The following C12orf42 variants were observed in gnomAD, a reference collection of about 807,000 sequenced individuals.
C12orf42 encodes uncharacterized protein C12orf42.
In C12orf42, 25 loss-of-function variants were observed where a neutral mutation model predicts 21.6. That is an observed-to-expected ratio of 1.16 (90% CI 0.84 to 1.62). The LOEUF is 1.62. Among genes scored for constraint, C12orf42 ranks in the 40% most tolerant of loss-of-function variants. The pLI, the probability that C12orf42 is intolerant of heterozygous loss-of-function variation, is 0.00. For synonymous variants in C12orf42, 174 were observed against 175.0 expected, an observed-to-expected ratio of 0.99 and a Z score of 0.05; for missense variants, 483 against 459.3, an observed-to-expected ratio of 1.05 and a Z score of -0.47.
the C12orf42 span, among the ~76,000 whole-genome samples, chr12:103,515,692 C>T: frequency 3.9e-5 from 6 of 152,128 alleles, no homozygotes; most frequent in African/African-American, 1.4e-4. Flanking sequence ...TTCAAACTGT[C>T]TACTTTCAAA....
intron 1 of C12orf42, among the ~76,000 whole-genome samples, chr12:103,481,656 TAA>T (rs5800591): frequency 5.9e-4 from 89 of 150,896 alleles, no homozygotes; most frequent in African/African-American, 2.0e-3. Flanking sequence ...CGAGTTACTT[TAA>T]AAAAAAAATA....
At chr12:103,162,506 GGTGTGTGT>G in the C12orf42 span, among the ~76,000 whole-genome samples, 65 of 147,634 alleles carry the variant, frequency 4.4e-4, no homozygotes, top group African/African-American at 1.6e-3. Context: ...CCAACAAGCT[GGTGTGTGT>G]GTGTGTGTGT....
the C12orf42 span, among the ~76,000 whole-genome samples, chr12:103,529,082 A>G: frequency 6.6e-6 from 1 of 152,154 alleles, no homozygotes; most frequent in Non-Finnish European, 1.5e-5. Flanking sequence ...AAAAAACGCC[A>G]TTGCAAACTA....
the C12orf42 span, among the ~76,000 whole-genome samples, chr12:103,170,709 T>G: frequency 2.0e-5 from 3 of 152,128 alleles, no homozygotes; most frequent in African/African-American, 4.8e-5. Flanking sequence ...CTCCAACCCC[T>G]TTTCATCACT....
At chr12:103,233,287 T>G (rs115508516), downstream of C12orf42, among the ~76,000 whole-genome samples, 897 of 152,340 alleles carry the variant, frequency 5.9e-3, 9 homozygotes, top group African/African-American at 0.021. Flanking sequence ...TTTCTTTCAG[T>G]ATCATGCGGG....
At chr12:103,178,557 T>G in the C12orf42 span, 2 of 152,162 alleles carry the variant, frequency 1.3e-5, no homozygotes, top group East Asian at 1.9e-4. Context: ...TTTGGGTGGT[T>G]GTTGTTTTGA....
At chr12:103,519,363 C>G in the C12orf42 span, among the ~76,000 whole-genome samples, 1 of 152,044 alleles carries the variant, frequency 6.6e-6, no homozygotes, top group Non-Finnish European at 1.5e-5. Flanking sequence ...TCCCAAAGCA[C>G]CAAGTTCACC....
At chr12:103,068,937 A>C in the C12orf42 span, among the ~76,000 whole-genome samples, 344 of 7,308 alleles carry the variant, frequency 0.047, 4 homozygotes, top group Non-Finnish European at 0.06. Flanking sequence ...CTCTCCACAT[A>C]TATATATATA....
the C12orf42 span, among the ~76,000 whole-genome samples, chr12:103,149,293 C>T: frequency 5.8e-4 from 88 of 152,258 alleles, no homozygotes; most frequent in Non-Finnish European, 1.6e-4. Context: ...TTCCACAGAA[C>T]ATTGTATGAT....
the C12orf42 span, among the ~76,000 whole-genome samples, chr12:103,542,479 GAAGT>G: frequency 6.6e-6 from 1 of 152,260 alleles, no homozygotes; most frequent in Non-Finnish European, 1.5e-5. Context: ...TTTAAAGACA[GAAGT>G]CTTGCCTGGG....
At chr12:103,164,335 A>T in the C12orf42 span, 6 of 445,976 alleles carry the variant, frequency 1.3e-5, no homozygotes, top group South Asian at 9.6e-5. Context: ...GTATACTTAC[A>T]GACTCTCCTA....
the C12orf42 span, among the ~76,000 whole-genome samples, chr12:103,224,406 G>T: frequency 1.3e-5 from 2 of 152,186 alleles, no homozygotes; most frequent in African/African-American, 2.4e-5. Context: ...GCTGGTGTGT[G>T]GCGATTAGGC....
chr12:103,231,194 G>A, the C12orf42 span, among the ~76,000 whole-genome samples: 1 of 152,194 alleles, frequency 6.6e-6, no homozygotes, highest in South Asian at 2.1e-4. Context: ...TGAGCAGAAA[G>A]TGTAGAGATT....
At chr12:103,195,294 C>A in the C12orf42 span, among the ~76,000 whole-genome samples, 2 of 151,980 alleles carry the variant, frequency 1.3e-5, no homozygotes, top group Non-Finnish European at 2.9e-5. Context: ...ATATCTATTC[C>A]TTTGGGTATA....
upstream of C12orf42, among the ~76,000 whole-genome samples, chr12:103,497,763 G>A (rs564942827): frequency 2.0e-5 from 3 of 152,326 alleles, no homozygotes; most frequent in African/African-American, 7.2e-5. Flanking sequence ...TGGGCACGGT[G>A]GCTCACGCCT....
chr12:103,360,352 A>T (rs906432355), intron 4 of C12orf42, among the ~76,000 whole-genome samples: 1 of 151,610 alleles, frequency 6.6e-6, no homozygotes, highest in African/African-American at 2.4e-5. Flanking sequence ...TGTCCTAAGG[A>T]TGACTCCTAC....
At chr12:103,186,073 A>G in the C12orf42 span, among the ~76,000 whole-genome samples, 1 of 152,194 alleles carries the variant, frequency 6.6e-6, no homozygotes, top group Non-Finnish European at 1.5e-5. Context: ...AGGGCATGGT[A>G]GGTTTATAAT....
intron 4 of C12orf42, among the ~76,000 whole-genome samples, chr12:103,366,416 T>A (rs1358453107): frequency 3.3e-5 from 5 of 152,054 alleles, no homozygotes. Context: ...AAGGATTTCA[T>A]GACCAAGAAC....
the C12orf42 span, among the ~76,000 whole-genome samples, chr12:103,049,810 T>C: frequency 6.6e-6 from 1 of 152,162 alleles, no homozygotes; most frequent in Admixed American, 6.6e-5. Context: ...TCTGCTTAGA[T>C]GGTTTCCTGG....
Sources: allele counts gnomAD v4.1 joint callset (sites outside exome capture counted in the v4.1 genomes callset), GRCh38; gene constraint gnomAD v4.1.1; transcripts MANE v1.5; gene names NCBI Gene and HGNC (gene_info 2026-07-23, HGNC 2026-07-21).